ZCCHC7: variants seen among roughly 807,000 people sequenced by gnomAD.
The protein encoded by ZCCHC7 is zinc finger CCHC-type containing 7.
A neutral mutation model predicts 52.0 loss-of-function variants in ZCCHC7; 35 were observed. The observed-to-expected ratio is 0.67, with a 90% CI of 0.51 to 0.89. The LOEUF (loss-of-function observed/expected upper bound fraction) is 0.89. Ranked by LOEUF, ZCCHC7 falls within the 40% of genes least tolerant of loss-of-function variation. The probability of loss-of-function intolerance (pLI) is 0.00; values close to 1 mark genes in which losing one functional copy is unlikely to be tolerated. For synonymous variants in ZCCHC7, 217 were observed against 221.5 expected, an observed-to-expected ratio of 0.98 and a Z score of 0.18; for missense variants, 574 against 649.1, an observed-to-expected ratio of 0.88 and a Z score of 1.26.
At chr9:37,296,757 G>A (rs967536679) in intron 2 of ZCCHC7, among the ~76,000 whole-genome samples, 2 of 152,164 alleles carry the variant, frequency 1.3e-5, no homozygotes, top group African/African-American at 4.8e-5. Flanking sequence ...CTGCTGGCAC[G>A]CAGTGGCGGC....
chr9:37,135,963 A>G (rs12336708), intron 2 of ZCCHC7, among the ~76,000 whole-genome samples: 5,499 of 152,260 alleles, frequency 0.036, 223 homozygotes, highest in African/African-American at 0.095. Context: ...TAAAATTTGA[A>G]TAGAGTGGGT....
intron 2 of ZCCHC7, among the ~76,000 whole-genome samples, chr9:37,190,213 C>T (rs1822945705): frequency 6.6e-6 from 1 of 152,176 alleles, no homozygotes; most frequent in Non-Finnish European, 1.5e-5. Flanking sequence ...CTGCAGACCC[C>T]ACTGCTGCTG....
At chr9:37,259,936 T>C (rs1826784782) in intron 2 of ZCCHC7, among the ~76,000 whole-genome samples, 1 of 152,228 alleles carries the variant, frequency 6.6e-6, no homozygotes, top group Non-Finnish European at 1.5e-5. Flanking sequence ...AAAATATTGT[T>C]CTTTTCAACC....
At chr9:37,326,829 A>T (rs1480244005) in intron 5 of ZCCHC7, 1 of 152,070 alleles carries the variant, frequency 6.6e-6, no homozygotes, top group African/African-American at 2.4e-5. Context: ...TCTTACTCTA[A>T]TTTTAGGCAT....
chr9:37,231,709 T>C (rs1465289641), intron 2 of ZCCHC7, among the ~76,000 whole-genome samples: 2 of 152,166 alleles, frequency 1.3e-5, no homozygotes, highest in Non-Finnish European at 1.5e-5. Flanking sequence ...GGTCAAGTAT[T>C]TATCATTTAA....
At position 37,261,838 on chromosome 9, in the gene ZCCHC7, A is replaced by G. The variant is rs561164238; in HGVS notation, c.611-40350A>G. Among the ~76,000 whole-genome samples the G allele has an allele frequency of 2.6e-5, 4 of 152,246 alleles. No individual in the cohort carries two copies. The South Asian group carries it at 8.3e-4, about 32-fold the overall frequency. On this transcript the variant is annotated intron_variant, in intron 2 of 8. Coordinates refer to ENST00000336755, the MANE Select transcript of ZCCHC7 (RefSeq NM_032226.3). The stretch of plus-strand genomic sequence containing the variant: ...GGTAAACATCTAAGCAGCAAGTAAT[A>G]TACTGATGAAAATAAATTTTGAGAT...
intron 2 of ZCCHC7, among the ~76,000 whole-genome samples, chr9:37,149,565 T>C (rs1843595445): frequency 6.6e-6 from 1 of 152,110 alleles, no homozygotes; most frequent in African/African-American, 2.4e-5. Flanking sequence ...CTATTCTTAC[T>C]GGGGAAAAAG....
At chr9:37,222,063 T>C (rs1824842136) in intron 2 of ZCCHC7, among the ~76,000 whole-genome samples, 1 of 152,124 alleles carries the variant, frequency 6.6e-6, no homozygotes, top group African/African-American at 2.4e-5. Context: ...GTTGATCAGA[T>C]GGAAGAGCAT....
intron 5 of ZCCHC7, among the ~76,000 whole-genome samples, chr9:37,324,720 G>C (rs1052314790): frequency 5.9e-5 from 9 of 152,182 alleles, no homozygotes; most frequent in Admixed American, 2.0e-4. Context: ...CCTTTCTCCT[G>C]TGCTGTGTTC....
intron 5 of ZCCHC7, among the ~76,000 whole-genome samples, chr9:37,313,072 T>C (rs191738125): frequency 1.2e-4 from 19 of 152,354 alleles, no homozygotes; most frequent in African/African-American, 4.3e-4. Flanking sequence ...CAGATAAATA[T>C]GTAGTTCTGC....
intron 5 of ZCCHC7, chr9:37,322,197 C>T (rs1588669477): frequency 6.6e-6 from 1 of 152,042 alleles, no homozygotes; most frequent in African/African-American, 2.4e-5. Context: ...TTAGATGGTT[C>T]CCAGAATTAT....
At chr9:37,336,957 C>T in intron 6 of ZCCHC7, among the ~76,000 whole-genome samples, 1 of 152,084 alleles carries the variant, frequency 6.6e-6, no homozygotes, top group East Asian at 1.9e-4. Context: ...GATACCCTGT[C>T]ACCGATCCCG....
upstream of ZCCHC7, chr9:37,120,498 C>T (rs1033457446): frequency 5.0e-6 from 2 of 398,972 alleles, no homozygotes; most frequent in East Asian, 3.6e-5. Flanking sequence ...GCTGTGTTGT[C>T]CCCGGAAGTG....
rs554758106 is a variant in ZCCHC7 at position 37,172,197 on chromosome 9, C to T, written c.610+45255C>T. On this transcript the variant is annotated intron_variant, in intron 2 of 8. Coordinates refer to ENST00000336755, the MANE Select transcript of ZCCHC7 (RefSeq NM_032226.3). ...ATTTCGTTTAGATTCTTTATGCACA[C>T]CTTGACTAAGTTTTAAAATTTGCTG... Among the ~76,000 whole-genome samples the T allele has an allele frequency of 3.3e-5, 5 of 152,288 alleles. No homozygotes were observed. In the South Asian group the frequency reaches 1.0e-3, roughly 32 times the overall value.
intron 2 of ZCCHC7, among the ~76,000 whole-genome samples, chr9:37,179,265 T>C (rs1180255654): frequency 1.3e-5 from 2 of 152,212 alleles, no homozygotes; most frequent in East Asian, 1.9e-4. Flanking sequence ...TAAGTCTGTT[T>C]TACATGCCTT....
rs201941141 is a variant in ZCCHC7, at chr9:37,151,605, G to T, written c.610+24663G>T. On this transcript the variant is annotated intron_variant, in intron 2 of 8. Transcript: ENST00000336755. ...GGATCACCTGAGGTCAGGAGCTTGA[G>T]ACCAGCCTGGCAAACATGGTGAAAC... Among the ~76,000 whole-genome samples, 15 of 152,156 alleles carry T rather than the reference G, an allele frequency of 9.9e-5. No individual in the cohort carries two copies. In the East Asian group the frequency reaches 2.9e-3, roughly 30 times the overall value.
At chr9:37,347,545 TTAAC>T (rs1821067781) in intron 6 of ZCCHC7, among the ~76,000 whole-genome samples, 1 of 152,126 alleles carries the variant, frequency 6.6e-6, no homozygotes, top group Admixed American at 6.5e-5. Context: ...CACACACAAG[TTAAC>T]TATCGCCATG....
At chr9:37,315,647 ATTTTTAAATTATT>A (rs1829785194) in intron 5 of ZCCHC7, among the ~76,000 whole-genome samples, 1 of 151,810 alleles carries the variant, frequency 6.6e-6, no homozygotes, top group Non-Finnish European at 1.5e-5. Context: ...ACATGGCTCA[ATTTTTAAATTATT>A]TCATCAGTGT....
chr9:37,334,920 T>A (rs1461454113), intron 6 of ZCCHC7, among the ~76,000 whole-genome samples: 1 of 152,108 alleles, frequency 6.6e-6, no homozygotes, highest in Non-Finnish European at 1.5e-5. Context: ...AAGTGAGTGT[T>A]TAGAAATTTT....
Sources: allele counts gnomAD v4.1 joint callset (sites outside exome capture counted in the v4.1 genomes callset), GRCh38; gene constraint gnomAD v4.1.1; transcripts MANE v1.5; gene names NCBI Gene and HGNC (gene_info 2026-07-23, HGNC 2026-07-21).